The following EYS variants were observed in gnomAD, a reference collection of about 807,000 sequenced individuals.
EYS encodes protein eyes shut homolog.
Under a neutral mutation model 282.1 loss-of-function variants are expected in EYS, and 250 were observed. That is an observed-to-expected ratio of 0.89 (90% confidence interval 0.80 to 0.98). The LOEUF is 0.98. Among genes scored for constraint, EYS ranks in the 50% least tolerant of loss-of-function variants. The probability of loss-of-function intolerance (pLI) is 0.00; values close to 1 mark genes in which losing one functional copy is unlikely to be tolerated. For missense variants in EYS, 4,016 were observed against 3,709.0 expected (o/e 1.08, Z -2.15); for synonymous variants, 1,355 against 1,282.9 (o/e 1.06, Z -1.20).
chr6:65,426,760 T>TACA (rs1359013948), intron 5 of EYS, among the ~76,000 whole-genome samples: 10 of 152,156 alleles, frequency 6.6e-5, no homozygotes, highest in African/African-American at 2.4e-4. Context: ...GAATTTACAA[T>TACA]ACATATTGTA....
chr6:64,775,696 A>AAATTTTT (rs1043598664), intron 22 of EYS, among the ~76,000 whole-genome samples: 7 of 152,050 alleles, frequency 4.6e-5, no homozygotes, highest in African/African-American at 1.7e-4. Flanking sequence ...TATTTTTGAA[A>AAATTTTT]GACAAATATT....
chr6:63,874,916 A>G (rs1341407524), intron 35 of EYS, among the ~76,000 whole-genome samples: 2 of 152,202 alleles, frequency 1.3e-5, no homozygotes, highest in Non-Finnish European at 2.9e-5. Flanking sequence ...GTCATCTGCA[A>G]ACGGGGACAA....
Position 64,591,410 on chromosome 6 carries a change from A to G in EYS, c.4457T>C (p.Leu1486Ser). 8.4e-6 allele frequency: 13 copies of G among 1,551,338 alleles called. No individual in the cohort carries two copies. Among genetic ancestry groups the G allele is most frequent in the Non-Finnish European group, 1.1e-5 (13 of 1,146,774 alleles). ...SLISRREHWR[L>S]LSPSMSPIFP... is the part of the protein sequence containing the mutation. ...AATGGGAGACATCGAGGGGCTGAGCAATCTCCAGTGCTCTCTTCTTGAAAT... is the reference window on the plus strand; with the variant it reads ...AATGGGAGACATCGAGGGGCTGAGCGATCTCCAGTGCTCTCTTCTTGAAAT... The change falls in exon 26 of 43, where the codon TTG becomes TCG. Residue 1486 changes from leucine to serine, a missense_variant. Leu to Ser is a moderately radical substitution (Grantham distance 145). Transcript: ENST00000503581.
chr6:63,905,333 T>C (rs1340785415), intron 35 of EYS, among the ~76,000 whole-genome samples: 15 of 146,870 alleles, frequency 1.0e-4, no homozygotes, highest in African/African-American at 5.0e-5. Context: ...TTTTTTCTTT[T>C]TTTTTTTTTT....
intron 12 of EYS, among the ~76,000 whole-genome samples, chr6:65,262,427 C>T (rs1208846788): frequency 6.6e-6 from 1 of 151,946 alleles, no homozygotes; most frequent in African/African-American, 2.4e-5. Context: ...GTGACCTGCC[C>T]AGCCCAGAAA....
rs201498090 is a variant in EYS, at chr6:64,372,130, G to GTTTTTTTTTTTTTTTTTTTT, written c.6078+16540_6078+16559dup. Among the ~76,000 whole-genome samples, 56 of 97,712 alleles carry GTTTTTTTTTTTTTTTTTTTT rather than the reference G, an allele frequency of 5.7e-4. 6 individuals carry two copies. Among genetic ancestry groups the GTTTTTTTTTTTTTTTTTTTT allele is most frequent in the African/African-American group, 1.1e-3 (23 of 21,238 alleles). 64.1% of individuals were successfully genotyped at this position (97,712 alleles called of 152,430 possible). On this transcript the variant is annotated intron_variant, in intron 29 of 42. Coordinates refer to ENST00000503581, the MANE Select transcript of EYS (RefSeq NM_001142800.2). ...TAGCATCACTGGTCTGTATACTTGT[G>GTTTTTTTTTTTTTTTTTTTT]TTTTTTTTTTTTTTTTTTTTTTTTT...
intron 1 of EYS, among the ~76,000 whole-genome samples, chr6:65,641,427 G>A (rs1306927983): frequency 1.3e-5 from 2 of 152,178 alleles, no homozygotes; most frequent in Admixed American, 6.5e-5. Context: ...GCCATGCCTG[G>A]TTTCTGAGAT....
At chr6:64,182,707 G>A (rs75418594) in intron 31 of EYS, among the ~76,000 whole-genome samples, 4,112 of 152,148 alleles carry the variant, frequency 0.027, 58 homozygotes, top group African/African-American at 0.042. Context: ...TCGGGTTGCT[G>A]TCTACCTCTT....
In EYS at chr6:65,550,153, T is replaced by C. The variant is rs1481805737; in HGVS notation, c.-332-54160A>G. 3.7e-3 allele frequency among the ~76,000 whole-genome samples: 30 copies of C among 8,206 alleles called. 1 individual carries two copies. The highest frequency in any genetic ancestry group is 0.013 in the African/African-American group (4 of 308). 5.4% of individuals were successfully genotyped at this position (8,206 alleles called of 152,430 possible). A position where few individuals can be genotyped will look rare whatever the true frequency, so the allele number is the denominator to read the frequency against. ...CTGACTCTACTATATCTTTTTTTTTTTTTTTTTTTTTTTTTTTTTTTTTTT... is the reference window on the plus strand; with the variant it reads ...CTGACTCTACTATATCTTTTTTTTTCTTTTTTTTTTTTTTTTTTTTTTTTT... On this transcript the variant is annotated intron_variant, in intron 2 of 42. Transcript: ENST00000503581.
intron 2 of EYS, among the ~76,000 whole-genome samples, chr6:65,539,396 T>C (rs1441063137): frequency 3.3e-5 from 5 of 152,274 alleles, no homozygotes; most frequent in South Asian, 4.1e-4. Flanking sequence ...AACAAACTTA[T>C]AGAAGACTAA....
intron 26 of EYS, among the ~76,000 whole-genome samples, chr6:64,530,698 C>A (rs1165496637): frequency 6.6e-6 from 1 of 152,010 alleles, no homozygotes; most frequent in Admixed American, 6.6e-5. Context: ...AGGGATATAA[C>A]AACTCTTTAT....
chr6:64,868,381 C>T (rs1391869322), intron 19 of EYS, among the ~76,000 whole-genome samples: 1 of 151,346 alleles, frequency 6.6e-6, no homozygotes, highest in African/African-American at 2.4e-5. Context: ...ATGGAGAAAG[C>T]ATGTAAAATG....
Position 64,591,583 on chromosome 6 carries a change from A to G in EYS, c.4284T>C (p.Ile1428=), listed in dbSNP as rs2149832274. ...ALSATPTTSV[I]RSIPGADIEL... is the part of the protein sequence containing the mutation. ...CAATATCAGCCCCTGGAATGCTTCT[A>G]ATTACTGAAGTCGTTGGGGTAGCAG... The change falls in exon 26 of 43, where the codon ATT becomes ATC. Residue 1428 remains isoleucine, a synonymous_variant. Transcript: ENST00000503581. 3 of 1,551,268 alleles carry G rather than the reference A, an allele frequency of 1.9e-6. No homozygotes were observed. The South Asian group carries it at 3.6e-5, about 18-fold the overall frequency.
chr6:65,286,163 A>G (rs758337980), intron 12 of EYS, among the ~76,000 whole-genome samples: 56 of 151,920 alleles, frequency 3.7e-4, no homozygotes, highest in Non-Finnish European at 6.3e-4. Context: ...TTTAATCTCT[A>G]TTCTCATTTA....
At chr6:64,012,599 G>T (rs1768690113) in intron 33 of EYS, among the ~76,000 whole-genome samples, 1 of 152,182 alleles carries the variant, frequency 6.6e-6, no homozygotes, top group Non-Finnish European at 1.5e-5. Context: ...GGGTGAAACT[G>T]TCCAGAGACA....
At chr6:65,386,880 A>T (rs1405110729) in intron 7 of EYS, among the ~76,000 whole-genome samples, 1 of 151,900 alleles carries the variant, frequency 6.6e-6, no homozygotes, top group African/African-American at 2.4e-5. Context: ...TTGAGACTTT[A>T]GGGTAAGGGT....
intron 2 of EYS, among the ~76,000 whole-genome samples, chr6:65,602,312 C>T (rs985360810): frequency 1.3e-5 from 2 of 151,770 alleles, no homozygotes; most frequent in Non-Finnish European, 2.9e-5. Context: ...AATAGAAACA[C>T]ATGTAATACA....
intron 26 of EYS, among the ~76,000 whole-genome samples, chr6:64,444,139 T>G (rs1775044530): frequency 1.3e-5 from 2 of 152,194 alleles, no homozygotes; most frequent in Non-Finnish European, 2.9e-5. Flanking sequence ...AGAAAATCAT[T>G]AGGCATCCAC....
At chr6:65,400,379 T>C (rs981498661) in intron 7 of EYS, among the ~76,000 whole-genome samples, 2 of 152,028 alleles carry the variant, frequency 1.3e-5, no homozygotes, top group African/African-American at 2.4e-5. Context: ...CAAAGTTGTA[T>C]TCTATCTGTC....
Sources: gnomAD v4.1 joint callset for allele counts (sites outside exome capture counted in the v4.1 genomes callset) on GRCh38, gnomAD v4.1.1 for gene constraint, MANE v1.5 for transcripts, NCBI Gene and HGNC (gene_info 2026-07-23, HGNC 2026-07-21) for gene names.